MYO3A: variants seen among roughly 807,000 people sequenced by gnomAD.
MYO3A encodes the protein myosin-IIIa.
In MYO3A, 180 loss-of-function variants were observed where a neutral mutation model predicts 192.7. The observed-to-expected ratio is 0.93, with a 90% CI of 0.83 to 1.06. MYO3A has a LOEUF of 1.06. MYO3A is among the 50% of genes least tolerant of loss of function. The pLI is 0.00. For missense variants in MYO3A, 1,896 were observed against 1,905.0 expected, an observed-to-expected ratio of 1.00 and a Z score of 0.09; for synonymous variants, 628 against 645.3, an observed-to-expected ratio of 0.97 and a Z score of 0.41.
chr10:26,074,630 G>A (rs1835417099), intron 14 of MYO3A, among the ~76,000 whole-genome samples: 1 of 147,396 alleles, frequency 6.8e-6, no homozygotes, highest in Non-Finnish European at 1.5e-5. Context: ...ATACAATAAT[G>A]TTATATATAA....
intron 30 of MYO3A, among the ~76,000 whole-genome samples, chr10:26,175,621 T>A (rs561119741): frequency 6.6e-6 from 1 of 152,332 alleles, no homozygotes; most frequent in East Asian, 1.9e-4. Flanking sequence ...CATCTCCAAC[T>A]TCTAGCTGTC....
At chr10:26,205,608 C>CTTTTTTTTTTTTT (rs576007724) in intron 34 of MYO3A, among the ~76,000 whole-genome samples, 2 of 68,616 alleles carry the variant, frequency 2.9e-5, no homozygotes, top group Non-Finnish European at 5.3e-5. Context: ...CTTTTCTTTT[C>CTTTTTTTTTTTTT]TTTTTTTTTT....
intron 31 of MYO3A, among the ~76,000 whole-genome samples, chr10:26,187,661 G>T (rs1394111838): frequency 7.1e-5 from 8 of 112,990 alleles, no homozygotes; most frequent in Non-Finnish European, 1.2e-4. Context: ...CCCACAACAG[G>T]CACCGATGTG....
At chr10:26,094,811 G>A (rs1836915321) in intron 15 of MYO3A, among the ~76,000 whole-genome samples, 1 of 152,146 alleles carries the variant, frequency 6.6e-6, no homozygotes, top group African/African-American at 2.4e-5. Flanking sequence ...GAAGACCCTG[G>A]AATGTTTTTA....
chr10:26,199,755 A>G (rs778662395), intron 32 of MYO3A, among the ~76,000 whole-genome samples: 16 of 152,106 alleles, frequency 1.1e-4, no homozygotes, highest in Non-Finnish European at 1.9e-4. Flanking sequence ...GCAGAACATT[A>G]TTTGATTCTT....
At chr10:26,109,536 C>T (rs1211683770) in intron 17 of MYO3A, among the ~76,000 whole-genome samples, 2 of 152,160 alleles carry the variant, frequency 1.3e-5, no homozygotes, top group African/African-American at 4.8e-5. Context: ...TTCAAAAATA[C>T]ATAGTACATA....
intron 24 of MYO3A, among the ~76,000 whole-genome samples, chr10:26,154,489 C>G (rs1211440590): frequency 6.6e-6 from 1 of 152,098 alleles, no homozygotes; most frequent in Non-Finnish European, 1.5e-5. Context: ...CCTTTTTTAG[C>G]TAGTTTTAAA....
intron 2 of MYO3A, among the ~76,000 whole-genome samples, chr10:25,936,459 T>A (rs1444326658): frequency 6.6e-6 from 1 of 152,208 alleles, no homozygotes; most frequent in Non-Finnish European, 1.5e-5. Context: ...CTTTTTCTTT[T>A]TATAAACAAG....
Position 26,174,220 on chromosome 10 carries a change from AG to A in MYO3A, c.3958del (p.Glu1320ArgfsTer7), listed in dbSNP as rs1842198265. 1 of 1,613,978 alleles carries A rather than the reference AG, an allele frequency of 6.2e-7. No homozygotes were observed. Among genetic ancestry groups the A allele is most frequent in the African/African-American group, 1.3e-5 (1 of 74,946 alleles). On this transcript the variant is annotated frameshift_variant, in exon 30 of 35. Coordinates refer to ENST00000642920, the MANE Select transcript of MYO3A (RefSeq NM_017433.5). LOFTEE classifies it high-confidence loss of function. The part of the protein sequence containing the change: ...VVTQRAPICS[Q>X]EEGRGRLRHE... Reference sequence around the variant, plus strand: ...ACCCAGCGTGCACCGATATGCAGCCAGGAGGAAGGCAGAGGCCGTCTGAGGC... The same window carrying A: ...ACCCAGCGTGCACCGATATGCAGCCAGAGGAAGGCAGAGGCCGTCTGAGGC...
chr10:26,025,661 C>T (rs1485575943), intron 9 of MYO3A, among the ~76,000 whole-genome samples: 1 of 152,172 alleles, frequency 6.6e-6, no homozygotes, highest in East Asian at 1.9e-4. Flanking sequence ...CTACTTGAAT[C>T]CTTCTTTTAC....
rs912794892 is a variant in MYO3A, at chr10:26,039,140, A to T, written c.953+12608A>T. On this transcript the variant is annotated intron_variant, in intron 10 of 34. Transcript: ENST00000642920. Reference sequence around the variant, plus strand: ...ACCACAACCTCCGCCTCCTGGGTTCAAGCGATTCTCCTGCCTCAGCCTCCT... The same window carrying T: ...ACCACAACCTCCGCCTCCTGGGTTCTAGCGATTCTCCTGCCTCAGCCTCCT... Among the ~76,000 whole-genome samples, 6 of 151,276 alleles carry T rather than the reference A, an allele frequency of 4.0e-5. No homozygotes were observed. In the Middle Eastern group the frequency reaches 0.01, roughly 263 times the overall value.
At chr10:26,083,825 T>G (rs1836130434) in intron 14 of MYO3A, among the ~76,000 whole-genome samples, 1 of 152,234 alleles carries the variant, frequency 6.6e-6, no homozygotes. Context: ...CCACTTTGCT[T>G]AATATTGCTT....
chr10:26,112,285 G>T (rs1044258774), intron 17 of MYO3A, among the ~76,000 whole-genome samples: 1 of 152,140 alleles, frequency 6.6e-6, no homozygotes, highest in Non-Finnish European at 1.5e-5. Context: ...TTTTGGGAAG[G>T]CTTTTAGTCC....
At chr10:25,996,909 A>G (rs1353037386) in intron 5 of MYO3A, among the ~76,000 whole-genome samples, 1 of 152,210 alleles carries the variant, frequency 6.6e-6, no homozygotes, top group African/African-American at 2.4e-5. Context: ...ATTTTCTTCC[A>G]TTGAAACTCA....
chr10:25,936,444 G>A (rs1004499635), intron 2 of MYO3A, among the ~76,000 whole-genome samples: 8 of 152,002 alleles, frequency 5.3e-5, no homozygotes, highest in South Asian at 4.1e-4. Flanking sequence ...TTCCAGCTGC[G>A]TTTTCTTTTT....
At chr10:26,160,196 TG>T (rs1159943412) in intron 26 of MYO3A, among the ~76,000 whole-genome samples, 3 of 152,298 alleles carry the variant, frequency 2.0e-5, no homozygotes, top group African/African-American at 7.2e-5. Flanking sequence ...CTAAGCACTG[TG>T]GGAGACACTG....
At chr10:26,106,176 T>C (rs12774270) in intron 17 of MYO3A, among the ~76,000 whole-genome samples, 57,369 of 151,902 alleles carry the variant, frequency 0.38, 11,292 homozygotes, top group Middle Eastern at 0.52. Context: ...GGACTTTTAA[T>C]TAGAATTATA....
At chr10:26,095,064 T>C (rs778750901) in intron 15 of MYO3A, among the ~76,000 whole-genome samples, 2 of 152,084 alleles carry the variant, frequency 1.3e-5, no homozygotes, top group Non-Finnish European at 2.9e-5. Context: ...TGCAGGCTGC[T>C]CCGGAAGTTT....
chr10:25,996,294 A>G (rs1321824595), intron 4 of MYO3A, among the ~76,000 whole-genome samples, 196 bp from the exon 5 acceptor site: 1 of 152,196 alleles, frequency 6.6e-6, no homozygotes, highest in Admixed American at 6.5e-5. Context: ...TCATGTGAAA[A>G]TTGTGTTCTA....
Sources: gnomAD v4.1 joint callset for allele counts (sites outside exome capture counted in the v4.1 genomes callset) on GRCh38, gnomAD v4.1.1 for gene constraint, MANE v1.5 for transcripts, NCBI Gene and HGNC (gene_info 2026-07-23, HGNC 2026-07-21) for gene names.